Variants in ZMAT4 observed in about 807,000 individuals in gnomAD.
The protein encoded by ZMAT4 is zinc finger matrin-type 4.
Under a neutral mutation model 28.7 loss-of-function variants are expected in ZMAT4, and 17 were observed. The ratio of observed to expected loss-of-function variants is 0.59; its 90% CI spans 0.41 to 0.89. The LOEUF (loss-of-function observed/expected upper bound fraction) is 0.89. Among genes scored for constraint, ZMAT4 ranks in the 40% least tolerant of loss-of-function variants. The pLI, the probability that ZMAT4 is intolerant of heterozygous loss-of-function variation, is 0.00. For missense variants in ZMAT4, 240 were observed against 283.8 expected, an observed-to-expected ratio of 0.85 and a Z score of 1.11; for synonymous variants, 117 against 109.2, an observed-to-expected ratio of 1.07 and a Z score of -0.44.
At chr8:40,871,380 C>T (rs546421357) in intron 1 of ZMAT4, among the ~76,000 whole-genome samples, 20 of 152,302 alleles carry the variant, frequency 1.3e-4, no homozygotes, top group Middle Eastern at 3.4e-3. Flanking sequence ...TCCATCCCTA[C>T]CCACTCTCAA....
At chr8:40,729,138 T>G (rs1350619405) in intron 3 of ZMAT4, among the ~76,000 whole-genome samples, 2 of 152,242 alleles carry the variant, frequency 1.3e-5, no homozygotes, top group Non-Finnish European at 2.9e-5. Flanking sequence ...ATTTCACTTC[T>G]GTTCACATTC....
chr8:40,671,280 A>G (rs1253022167), intron 5 of ZMAT4, among the ~76,000 whole-genome samples: 1 of 152,162 alleles, frequency 6.6e-6, no homozygotes, highest in South Asian at 2.1e-4. Context: ...TTCTATAGTT[A>G]AAAATACATG....
At chr8:40,887,102 C>T (rs1256021355) in intron 1 of ZMAT4, among the ~76,000 whole-genome samples, 4 of 139,688 alleles carry the variant, frequency 2.9e-5, no homozygotes, top group African/African-American at 1.1e-4. Flanking sequence ...ACCCAGGAGG[C>T]GGAGCTTGCA....
chr8:40,840,096 G>A (rs1336266713), intron 1 of ZMAT4, among the ~76,000 whole-genome samples: 1 of 152,192 alleles, frequency 6.6e-6, no homozygotes, highest in Non-Finnish European at 1.5e-5. Flanking sequence ...GGACAAGGGA[G>A]ATGCATGGCT....
At chr8:40,604,481 A>G (rs1377082433) in intron 5 of ZMAT4, among the ~76,000 whole-genome samples, 3 of 152,146 alleles carry the variant, frequency 2.0e-5, no homozygotes, top group Non-Finnish European at 2.9e-5. Context: ...AGATGATCAT[A>G]TGATTTTTGT....
chr8:40,780,065 C>T (rs1421766893), intron 2 of ZMAT4, among the ~76,000 whole-genome samples: 3 of 152,144 alleles, frequency 2.0e-5, no homozygotes, highest in Non-Finnish European at 2.9e-5. Flanking sequence ...TAACCACCTT[C>T]ACAACCTTGC....
At chr8:40,785,288 T>C (rs1439549102) in intron 2 of ZMAT4, among the ~76,000 whole-genome samples, 1 of 152,246 alleles carries the variant, frequency 6.6e-6, no homozygotes, top group Non-Finnish European at 1.5e-5. Context: ...CCACATAGTT[T>C]AGCCCTTTCT....
chr8:40,743,556 A>G (rs560517770), intron 3 of ZMAT4, among the ~76,000 whole-genome samples: 3 of 152,370 alleles, frequency 2.0e-5, no homozygotes, highest in Non-Finnish European at 2.9e-5. Flanking sequence ...CTGAGTGCCT[A>G]CAACGCACAA....
intron 1 of ZMAT4, among the ~76,000 whole-genome samples, chr8:40,849,796 T>C (rs1337613760): frequency 4.6e-5 from 7 of 152,194 alleles, no homozygotes; most frequent in Non-Finnish European, 1.0e-4. Flanking sequence ...ATGTGACCAC[T>C]ATCTGCTCAA....
intron 3 of ZMAT4, among the ~76,000 whole-genome samples, chr8:40,763,205 T>C (rs1813008287): frequency 6.6e-6 from 1 of 152,180 alleles, no homozygotes; most frequent in African/African-American, 2.4e-5. Flanking sequence ...CTGATCTGTG[T>C]TGGGGAAGGT....
chr8:40,868,646 T>A (rs1427354102), intron 1 of ZMAT4, among the ~76,000 whole-genome samples: 1 of 152,214 alleles, frequency 6.6e-6, no homozygotes, highest in Non-Finnish European at 1.5e-5. Flanking sequence ...CAAGGTCACC[T>A]GACCTGTCTA....
chr8:40,598,797 A>G (rs937835484), intron 5 of ZMAT4, among the ~76,000 whole-genome samples: 7 of 147,698 alleles, frequency 4.7e-5, no homozygotes, highest in Non-Finnish European at 1.5e-5. Flanking sequence ...CCCAACAGCT[A>G]GAAAGTACTT....
intron 5 of ZMAT4, among the ~76,000 whole-genome samples, chr8:40,612,163 A>G (rs774845316): frequency 6.6e-6 from 1 of 152,220 alleles, no homozygotes; most frequent in South Asian, 2.1e-4. Flanking sequence ...GGCCATGTAC[A>G]TAAGGTACCC....
chr8:40,893,805 G>T (rs1358944054), intron 1 of ZMAT4, among the ~76,000 whole-genome samples: 5 of 152,090 alleles, frequency 3.3e-5, no homozygotes, highest in Admixed American at 6.5e-5. Flanking sequence ...GCAGGTTTTT[G>T]ATTCTTACCC....
intron 3 of ZMAT4, among the ~76,000 whole-genome samples, chr8:40,729,614 GAGA>G (rs1811450781): frequency 1.5e-5 from 1 of 68,472 alleles, no homozygotes; most frequent in African/African-American, 5.3e-5. Context: ...TTTTTTTTTT[GAGA>G]AGGAGTCTCG....
chr8:40,779,424 G>T (rs2150570658), intron 2 of ZMAT4, among the ~76,000 whole-genome samples: 1 of 152,006 alleles, frequency 6.6e-6, no homozygotes, highest in East Asian at 1.9e-4. Flanking sequence ...AGAGGGACCA[G>T]AGAGAAGCCA....
At chr8:40,680,806 C>T (rs1377059180) in intron 4 of ZMAT4, among the ~76,000 whole-genome samples, 4 of 151,960 alleles carry the variant, frequency 2.6e-5, no homozygotes, top group Admixed American at 2.0e-4. Flanking sequence ...TTTCTTCCTT[C>T]CTTCTTTTCT....
intron 2 of ZMAT4, among the ~76,000 whole-genome samples, chr8:40,783,432 T>G (rs1444375506): frequency 6.6e-6 from 1 of 152,216 alleles, no homozygotes; most frequent in Non-Finnish European, 1.5e-5. Context: ...TGTTTAATAC[T>G]ACTAACCTAT....
At chr8:40,836,554 C>T (rs926686971) in intron 1 of ZMAT4, among the ~76,000 whole-genome samples, 2 of 152,174 alleles carry the variant, frequency 1.3e-5, no homozygotes, top group African/African-American at 2.4e-5. Context: ...GTCACAGCAA[C>T]AAACCAGAAT....
Sources: allele counts gnomAD v4.1 joint callset (sites outside exome capture counted in the v4.1 genomes callset), GRCh38; gene constraint gnomAD v4.1.1; transcripts MANE v1.5; gene names NCBI Gene and HGNC (gene_info 2026-07-23, HGNC 2026-07-21).